The following SLC44A5 variants were observed in gnomAD, a reference collection of about 807,000 sequenced individuals.
The protein encoded by SLC44A5 is choline transporter-like protein 5.
A neutral mutation model predicts 101.8 loss-of-function variants in SLC44A5; 57 were observed. The observed-to-expected ratio is 0.56, with a 90% confidence interval of 0.45 to 0.70. The LOEUF (loss-of-function observed/expected upper bound fraction) is 0.70, where lower values mean the gene tolerates loss of function less well. Ranked by LOEUF, SLC44A5 falls within the 30% of genes least tolerant of loss-of-function variation. SLC44A5 has a pLI of 0.00. For synonymous variants in SLC44A5, 281 were observed against 290.9 expected, an observed-to-expected ratio of 0.97 and a Z score of 0.35; for missense variants, 737 against 853.1, an observed-to-expected ratio of 0.86 and a Z score of 1.70.
rs560805164 is a variant in SLC44A5, at chr1:75,479,326, A to G, written c.13+62109T>C. Reference sequence around the variant, plus strand: ...AAAGATCTAAAACTGACACCCTAACATCACAATTAAAAGAACTAGAAAAGC... The same window carrying G: ...AAAGATCTAAAACTGACACCCTAACGTCACAATTAAAAGAACTAGAAAAGC... On this transcript the variant is annotated intron_variant, in intron 2 of 23. Transcript: ENST00000370859. Among the ~76,000 whole-genome samples, 8 of 152,350 alleles carry G rather than the reference A, an allele frequency of 5.3e-5. No individual in the cohort carries two copies. The East Asian group carries it at 1.2e-3, about 22-fold the overall frequency.
At chr1:75,433,416 A>G (rs889694841) in intron 2 of SLC44A5, among the ~76,000 whole-genome samples, 1 of 152,130 alleles carries the variant, frequency 6.6e-6, no homozygotes, top group Non-Finnish European at 1.5e-5. Context: ...ACCAGCCCTC[A>G]TTAGGAATAC....
At chr1:75,347,360 G>C (rs1483557538) in intron 3 of SLC44A5, among the ~76,000 whole-genome samples, 2 of 152,118 alleles carry the variant, frequency 1.3e-5, no homozygotes, top group Non-Finnish European at 2.9e-5. Flanking sequence ...CTAAAGTGTA[G>C]GAAAGAAAAC....
intron 2 of SLC44A5, among the ~76,000 whole-genome samples, chr1:75,413,156 C>A (rs1406817705): frequency 6.6e-6 from 1 of 152,046 alleles, no homozygotes; most frequent in African/African-American, 2.4e-5. Context: ...TAATCTCTTA[C>A]TGTGCCTAAT....
intron 3 of SLC44A5, among the ~76,000 whole-genome samples, chr1:75,385,310 G>T (rs374686634): frequency 0.094 from 13,857 of 147,630 alleles, 813 homozygotes; most frequent in Admixed American, 0.2. Flanking sequence ...TAGACCGCTA[G>T]CAAGACTAAT....
At chr1:75,491,878 A>ATTT (rs1668444144) in intron 2 of SLC44A5, among the ~76,000 whole-genome samples, 1 of 152,174 alleles carries the variant, frequency 6.6e-6, no homozygotes. Context: ...ATTTTAAAAC[A>ATTT]TTTTTTATGA....
At chr1:75,633,464 T>G in the SLC44A5 span, among the ~76,000 whole-genome samples, 36 of 152,202 alleles carry the variant, frequency 2.4e-4, no homozygotes, top group Admixed American at 4.6e-4. Context: ...TCCTAGGTAT[T>G]TTATTCTCTT....
intron 4 of SLC44A5, among the ~76,000 whole-genome samples, chr1:75,331,409 C>A (rs1408084817): frequency 6.6e-6 from 1 of 152,106 alleles, no homozygotes; most frequent in Admixed American, 6.6e-5. Context: ...TTGCTTTTCA[C>A]ATCCAATCCC....
At chr1:75,530,716 C>A (rs979474409) in intron 2 of SLC44A5, among the ~76,000 whole-genome samples, 1 of 152,128 alleles carries the variant, frequency 6.6e-6, no homozygotes. Flanking sequence ...GGGTACTTTA[C>A]GAGTGACCCT....
chr1:75,237,373 A>T (rs568849118), intron 10 of SLC44A5, among the ~76,000 whole-genome samples: 1 of 152,252 alleles, frequency 6.6e-6, no homozygotes, highest in East Asian at 1.9e-4. Flanking sequence ...AATGAATTTA[A>T]ATGATAAGAT....
At chr1:75,240,551 T>A (rs1045088825) in intron 9 of SLC44A5, among the ~76,000 whole-genome samples, 1 of 152,120 alleles carries the variant, frequency 6.6e-6, no homozygotes, top group Non-Finnish European at 1.5e-5. Flanking sequence ...ATATTTATCC[T>A]TTTGCATAAA....
chr1:75,308,174 GATA>G (rs904202440), intron 4 of SLC44A5, among the ~76,000 whole-genome samples: 18 of 152,044 alleles, frequency 1.2e-4, no homozygotes, highest in African/African-American at 4.3e-4. Flanking sequence ...GTATAATATT[GATA>G]ATATCTTTCA....
At chr1:75,631,600 G>A in the SLC44A5 span, among the ~76,000 whole-genome samples, 2 of 138,920 alleles carry the variant, frequency 1.4e-5, no homozygotes, top group African/African-American at 5.4e-5. Context: ...AGGCTGGAGT[G>A]CAATGTCGCA....
At position 75,417,659 on chromosome 1, in the gene SLC44A5, G is replaced by T. The variant is rs551974353; in HGVS notation, c.14-21038C>A. ...TGAAAGTGTCCTGTGTCATGTTGAC[G>T]TTGGATACATGGGTCTGGAATCCAG... On this transcript the variant is annotated intron_variant, in intron 2 of 23. Transcript: ENST00000370859. 1.6e-4 allele frequency among the ~76,000 whole-genome samples: 25 copies of T among 152,312 alleles called. No individual in the cohort carries two copies. In the East Asian group the frequency reaches 4.8e-3, roughly 29 times the overall value.
chr1:75,233,552 A>C (rs1647792351), intron 12 of SLC44A5, among the ~76,000 whole-genome samples: 1 of 152,300 alleles, frequency 6.6e-6, no homozygotes, highest in South Asian at 2.1e-4. Flanking sequence ...CAATTATTAA[A>C]CGGTGTGACA....
rs1008456367 is a variant in SLC44A5, at chr1:75,305,647, A to G, written c.102-4962T>C. 2.0e-5 allele frequency among the ~76,000 whole-genome samples: 3 copies of G among 152,222 alleles called. No individual in the cohort carries two copies. The East Asian group carries it at 5.8e-4, about 29-fold the overall frequency. On this transcript the variant is annotated intron_variant, in intron 4 of 23. Coordinates refer to ENST00000370859, the MANE Select transcript of SLC44A5 (RefSeq NM_001130058.2). ...TGGGCACACTCAGAGCTCTCTGCTC[A>G]TAGCACCTCTAGACTCCCCCTCCTG...
At chr1:75,696,685 G>T in the SLC44A5 span, among the ~76,000 whole-genome samples, 2 of 152,072 alleles carry the variant, frequency 1.3e-5, no homozygotes, top group Admixed American at 6.6e-5. Context: ...CACGAGGTCA[G>T]GAGATCGAGA....
At chr1:75,723,115 A>C in the SLC44A5 span, among the ~76,000 whole-genome samples, 1 of 152,192 alleles carries the variant, frequency 6.6e-6, no homozygotes, top group Non-Finnish European at 1.5e-5. Context: ...AATCAGGACA[A>C]GTACAGAGGT....
chr1:75,446,206 A>G (rs976128538), intron 2 of SLC44A5, among the ~76,000 whole-genome samples: 1 of 151,978 alleles, frequency 6.6e-6, no homozygotes, highest in Non-Finnish European at 1.5e-5. Flanking sequence ...AAAACTTTCC[A>G]TTTTTTTATA....
At chr1:75,547,400 T>C (rs1454416790) in intron 1 of SLC44A5, among the ~76,000 whole-genome samples, 1 of 152,148 alleles carries the variant, frequency 6.6e-6, no homozygotes, top group East Asian at 1.9e-4. Flanking sequence ...ATGGAAATTT[T>C]AAATAAGTGG....
Sources: gnomAD v4.1 joint callset for allele counts (sites outside exome capture counted in the v4.1 genomes callset) on GRCh38, gnomAD v4.1.1 for gene constraint, MANE v1.5 for transcripts, NCBI Gene and HGNC (gene_info 2026-07-23, HGNC 2026-07-21) for gene names.